The following EXOSC4 variants were observed in gnomAD, a reference collection of about 807,000 sequenced individuals.
The protein encoded by EXOSC4 is exosome complex component RRP41.
Under a neutral mutation model 20.0 loss-of-function variants are expected in EXOSC4, and 14 were observed. The observed-to-expected ratio is 0.70, with a 90% CI of 0.46 to 1.09. EXOSC4 has a LOEUF of 1.09. EXOSC4 is among the 50% of genes least tolerant of loss of function. The probability of loss-of-function intolerance (pLI) is 0.00; values close to 1 mark genes in which losing one functional copy is unlikely to be tolerated. For synonymous variants in EXOSC4, 148 were observed against 146.4 expected, an observed-to-expected ratio of 1.01 and a Z score of -0.08; for missense variants, 337 against 334.0, an observed-to-expected ratio of 1.01 and a Z score of -0.07.
At chr8:144,070,824 G>A in the EXOSC4 span, among the ~76,000 whole-genome samples, 722 of 151,586 alleles carry the variant, frequency 4.8e-3, 12 homozygotes, top group Middle Eastern at 0.01. Flanking sequence ...GCAAAACTCC[G>A]TCTTGAAAAA....
Position 144,078,912 on chromosome 8 carries a change from G to A in EXOSC4, c.171+13G>A. ...CGGCCCGCACGAGGCGAGTGGGCGC[G>A]CGGGATGGGGAATCGTGTGGCCGTG... On this transcript the variant is annotated intron_variant, in intron 1 of 2. Coordinates refer to ENST00000316052, the MANE Select transcript of EXOSC4 (RefSeq NM_019037.3). This position sits in a 1 kb window ranked among gnomAD's most constrained non-coding sequence, Gnocchi z 4.7. 1 of 1,456,272 alleles carries A rather than the reference G, an allele frequency of 6.9e-7. No homozygotes were observed. Among genetic ancestry groups the A allele is most frequent in the Non-Finnish European group, 9.1e-7 (1 of 1,099,404 alleles). The allele number at this position is 1,456,272 out of a possible 1,614,324, so 90.2% of individuals were successfully genotyped here. A position where few individuals can be genotyped will look rare whatever the true frequency, so the allele number is the denominator to read the frequency against.
chr8:144,075,592 T>C (rs1461747027), upstream of EXOSC4, among the ~76,000 whole-genome samples: 1 of 152,132 alleles, frequency 6.6e-6, no homozygotes, highest in Non-Finnish European at 1.5e-5. Context: ...AAGCTGATCT[T>C]GAACTCCTAG....
At chr8:144,078,444 G>A, upstream of EXOSC4, 1 of 297,332 alleles carries the variant, frequency 3.4e-6, no homozygotes, top group East Asian at 5.5e-5. This position sits in a 1 kb window ranked among gnomAD's most constrained non-coding sequence, Gnocchi z 4.7. Flanking sequence ...TAGCGCCGCC[G>A]CAGTTCCCCG....
At chr8:144,076,777 G>C (rs374486960), upstream of EXOSC4, among the ~76,000 whole-genome samples, 3 of 152,194 alleles carry the variant, frequency 2.0e-5, no homozygotes, top group African/African-American at 4.8e-5. Flanking sequence ...TCCCGCATGC[G>C]GCAAGGACTG....
chr8:144,067,531 A>T, the EXOSC4 span, among the ~76,000 whole-genome samples: 1 of 152,188 alleles, frequency 6.6e-6, no homozygotes, highest in Non-Finnish European at 1.5e-5. Context: ...TTAACAAGAT[A>T]AAAAAATGAT....
chr8:144,064,750 C>T, the EXOSC4 span, among the ~76,000 whole-genome samples: 1 of 152,200 alleles, frequency 6.6e-6, no homozygotes, highest in Non-Finnish European at 1.5e-5. Context: ...CACACCTCCC[C>T]AGGGACAGGA....
At chr8:144,066,420 A>G in the EXOSC4 span, among the ~76,000 whole-genome samples, 1 of 148,390 alleles carries the variant, frequency 6.7e-6, no homozygotes, top group Admixed American at 6.7e-5. Context: ...ACACCTGGCC[A>G]AAGTAGAGTT....
the EXOSC4 span, among the ~76,000 whole-genome samples, chr8:144,070,247 TG>T: frequency 1.3e-5 from 2 of 152,052 alleles, no homozygotes; most frequent in East Asian, 3.9e-4. Flanking sequence ...GGGAGAAGCT[TG>T]GGGGGCGTGG....
upstream of EXOSC4, among the ~76,000 whole-genome samples, chr8:144,076,014 C>T (rs1835832958): frequency 6.6e-6 from 1 of 152,148 alleles, no homozygotes; most frequent in Non-Finnish European, 1.5e-5. Context: ...CATGGTTCCC[C>T]CACTCTCTGG....
At chr8:144,069,501 GC>G in the EXOSC4 span, among the ~76,000 whole-genome samples, 1 of 152,222 alleles carries the variant, frequency 6.6e-6, no homozygotes, top group Non-Finnish European at 1.5e-5. Context: ...TGGTCCCACA[GC>G]CTTCTCTTCT....
At chr8:144,064,070 G>A in the EXOSC4 span, 1 of 152,386 alleles carries the variant, frequency 6.6e-6, no homozygotes. Flanking sequence ...TCAGGACCCA[G>A]CTGTTCCAAC....
chr8:144,078,491 A>T, upstream of EXOSC4: 2 of 384,632 alleles, frequency 5.2e-6, no homozygotes, highest in Non-Finnish European at 9.2e-6. This position sits in a 1 kb window ranked among gnomAD's most constrained non-coding sequence, Gnocchi z 4.7. Flanking sequence ...GAAACCGTAG[A>T]TCCGGGGAGG....
chr8:144,079,142 A>G (rs1383336067), intron 1 of EXOSC4: 2 of 412,550 alleles, frequency 4.8e-6, no homozygotes, highest in East Asian at 3.9e-5. Context: ...TCAACGTGCT[A>G]GGCACTCCCC....
chr8:144,066,220 C>T, the EXOSC4 span, among the ~76,000 whole-genome samples: 28 of 150,820 alleles, frequency 1.9e-4, no homozygotes, highest in African/African-American at 6.6e-4. Flanking sequence ...AGGGTTTCAC[C>T]GTGTTAGCCA....
chr8:144,067,170 C>T, the EXOSC4 span, among the ~76,000 whole-genome samples: 2 of 152,212 alleles, frequency 1.3e-5, no homozygotes, highest in Admixed American at 6.5e-5. Flanking sequence ...GAGGGTAAAG[C>T]GTGATAGGCA....
At chr8:144,078,647 C>T, upstream of EXOSC4, 2 of 1,326,892 alleles carry the variant, frequency 1.5e-6, no homozygotes, top group Non-Finnish European at 1.9e-6. The surrounding 1 kb of genome is among the most constrained non-coding windows in gnomAD (Gnocchi z 4.7). Context: ...CCGTAGATTC[C>T]GGGCGGTCGG....
At chr8:144,078,515 G>C (rs1436571379), upstream of EXOSC4, 1 of 434,822 alleles carries the variant, frequency 2.3e-6, no homozygotes, top group Non-Finnish European at 3.9e-6. This position sits in a 1 kb window ranked among gnomAD's most constrained non-coding sequence, Gnocchi z 4.7. Context: ...GGGCCGCGGT[G>C]AACTCCAGTT....
the EXOSC4 span, among the ~76,000 whole-genome samples, chr8:144,070,997 C>T: frequency 6.6e-6 from 1 of 151,616 alleles, no homozygotes; most frequent in Non-Finnish European, 1.5e-5. Context: ...GAGGGAGGAG[C>T]GGAGCAGAGA....
rs782196587 is a variant in EXOSC4 at position 144,080,059 on chromosome 8, C to T, written c.288C>T (p.Ser96=). ...GACGGCCACATGGGGACCGTAAGTC[C>T]TGTGAGATGGGCCTGCAGCTCCGCC... The part of the protein sequence containing the change: ...RKRRPHGDRK[S]CEMGLQLRQT... The change falls in exon 2 of 3, where the codon TCC becomes TCT. Residue 96 remains serine (S), a synonymous_variant. Transcript: ENST00000316052. This position sits in a 1 kb window ranked among gnomAD's most constrained non-coding sequence, Gnocchi z 4.9. 1 of 1,614,108 alleles carries T rather than the reference C, an allele frequency of 6.2e-7. No individual in the cohort carries two copies. The highest frequency in any genetic ancestry group is 8.5e-7 in the Non-Finnish European group (1 of 1,180,040).
Sources: gnomAD v4.1 joint callset for allele counts (sites outside exome capture counted in the v4.1 genomes callset) on GRCh38, gnomAD v4.1.1 for gene constraint, Gnocchi (gnomAD v3.1) non-coding constraint, MANE v1.5 for transcripts, NCBI Gene and HGNC (gene_info 2026-07-23, HGNC 2026-07-21) for gene names.